Variants in UNC93A observed in about 807,000 individuals in gnomAD.
UNC93A encodes the protein N-acetylglucosamine transporter UNC93A.
A neutral mutation model predicts 47.5 loss-of-function variants in UNC93A; 43 were observed. The ratio of observed to expected loss-of-function variants is 0.91; its 90% CI spans 0.71 to 1.17. UNC93A has a LOEUF of 1.17. UNC93A is among the 50% of genes most tolerant of loss of function. UNC93A has a pLI of 0.00. For synonymous variants in UNC93A, 280 were observed against 258.0 expected (o/e 1.09, Z -0.82); for missense variants, 605 against 577.6 (o/e 1.05, Z -0.49).
intron 1 of UNC93A, among the ~76,000 whole-genome samples, chr6:167,278,484 T>C (rs371219460): frequency 5.0e-4 from 76 of 152,318 alleles, no homozygotes; most frequent in African/African-American, 1.7e-3. Flanking sequence ...ACCCACGGCC[T>C]GCCCTCACCT....
upstream of UNC93A, among the ~76,000 whole-genome samples, chr6:167,270,195 T>G (rs1783429044): frequency 1.3e-5 from 2 of 152,140 alleles, no homozygotes; most frequent in Admixed American, 6.5e-5. Context: ...CAAAGTCACC[T>G]AATCATTTTG....
chr6:167,288,449 TACACACACACACACACACAC>T (rs10586281), upstream of UNC93A, among the ~76,000 whole-genome samples: 1 of 134,734 alleles, frequency 7.4e-6, no homozygotes, highest in African/African-American at 2.5e-5. Context: ...TGTTCTTCCT[TACACACACACACACACACAC>T]ACACACACAC....
upstream of UNC93A, among the ~76,000 whole-genome samples, chr6:167,287,185 C>G (rs951215695): frequency 6.6e-6 from 1 of 152,072 alleles, no homozygotes; most frequent in Non-Finnish European, 1.5e-5. Context: ...AGCCCGGCTT[C>G]CTCCACTGCT....
chr6:167,295,195 G>A (rs1778020187), intron 2 of UNC93A, among the ~76,000 whole-genome samples: 1 of 152,016 alleles, frequency 6.6e-6, no homozygotes, highest in African/African-American at 2.4e-5. Flanking sequence ...GAGGGCTTTG[G>A]CCTGCACCCC....
chr6:167,274,857 A>C (rs1432084737), intron 1 of UNC93A, among the ~76,000 whole-genome samples: 1 of 141,406 alleles, frequency 7.1e-6, no homozygotes, highest in Admixed American at 7.0e-5. Context: ...GCAAGGTCCA[A>C]GCTCACAGTG....
intron 7 of UNC93A, 74 bp downstream of exon 7, chr6:167,307,984 A>T: frequency 6.3e-7 from 1 of 1,577,642 alleles, no homozygotes; most frequent in Non-Finnish European, 8.6e-7. Context: ...TGTGGGGCTC[A>T]TTAGATGCCA....
At chr6:167,308,678 C>T (rs1215273279) in intron 7 of UNC93A, among the ~76,000 whole-genome samples, 3 of 151,386 alleles carry the variant, frequency 2.0e-5, no homozygotes, top group Admixed American at 2.0e-4. Flanking sequence ...AGTGGCAAGT[C>T]GGGTCCCCAA....
chr6:167,311,021 A>T (rs1778541460), intron 7 of UNC93A, among the ~76,000 whole-genome samples: 1 of 152,220 alleles, frequency 6.6e-6, no homozygotes, highest in Admixed American at 6.5e-5. Flanking sequence ...GCAGCACAGC[A>T]CACACACAAG....
In UNC93A at chr6:167,307,840, T is replaced by C; in HGVS notation, c.1038T>C (p.His346=). 1 of 1,614,090 alleles carries C rather than the reference T, an allele frequency of 6.2e-7. No individual in the cohort carries two copies. Among genetic ancestry groups the C allele is most frequent in the Non-Finnish European group, 8.5e-7 (1 of 1,179,964 alleles). The change falls in exon 7 of 8, where the codon CAT becomes CAC. Residue 346 remains histidine, a synonymous_variant. Coordinates refer to ENST00000230256, the MANE Select transcript of UNC93A (RefSeq NM_018974.4). ...TGCTGTGGAGACCTCGTGCTGACCA[T>C]CTGGCAGTGTTCTTCGTATTCTCTG... The part of the protein sequence containing the change: ...ALLLWRPRAD[H]LAVFFVFSGL...
At chr6:167,275,132 T>C (rs1387249262) in intron 1 of UNC93A, among the ~76,000 whole-genome samples, 2 of 152,182 alleles carry the variant, frequency 1.3e-5, no homozygotes, top group African/African-American at 2.4e-5. Context: ...GGCAGTTGCA[T>C]GCAGGAGACT....
chr6:167,278,974 T>C (rs1032310984), intron 1 of UNC93A, among the ~76,000 whole-genome samples: 16 of 152,390 alleles, frequency 1.0e-4, no homozygotes, highest in African/African-American at 3.4e-4. Context: ...TTTAATTAAC[T>C]TTGACGAAAA....
At chr6:167,291,627 C>G (rs375615280) in intron 1 of UNC93A, 51 bp downstream of exon 1, 1 of 1,500,086 alleles carries the variant, frequency 6.7e-7, no homozygotes, top group Non-Finnish European at 9.1e-7. Context: ...CTCCAAGAAT[C>G]CCTGTGGTCA....
chr6:167,294,082 T>C (rs754159115), intron 1 of UNC93A, among the ~76,000 whole-genome samples: 1 of 152,210 alleles, frequency 6.6e-6, no homozygotes, highest in Non-Finnish European at 1.5e-5. Context: ...TGCACTCAGC[T>C]GCTTCATATC....
chr6:167,300,947 G>T (rs1373229774), intron 4 of UNC93A, among the ~76,000 whole-genome samples: 2 of 152,240 alleles, frequency 1.3e-5, no homozygotes, highest in African/African-American at 4.8e-5. Context: ...CTACATGTAA[G>T]TATCTTTCTG....
chr6:167,279,833 AAG>A (rs1215369575), intron 1 of UNC93A, among the ~76,000 whole-genome samples: 1 of 152,216 alleles, frequency 6.6e-6, no homozygotes, highest in African/African-American at 2.4e-5. Flanking sequence ...TGGAGAATAA[AAG>A]AAGTTGGCAT....
upstream of UNC93A, among the ~76,000 whole-genome samples, chr6:167,269,209 G>A (rs942382742): frequency 3.3e-5 from 5 of 152,224 alleles, no homozygotes; most frequent in African/African-American, 7.2e-5. Flanking sequence ...TTGCATGGGC[G>A]AGTGAGGCGC....
chr6:167,299,043 G>A (rs952741352), intron 4 of UNC93A, among the ~76,000 whole-genome samples: 106 of 150,710 alleles, frequency 7.0e-4, no homozygotes, highest in Middle Eastern at 3.5e-3. Context: ...ACTTGAACCC[G>A]GGAGGTGGAG....
At chr6:167,272,000 C>A (rs975827645) in intron 1 of UNC93A, among the ~76,000 whole-genome samples, 3 of 152,182 alleles carry the variant, frequency 2.0e-5, no homozygotes, top group Non-Finnish European at 2.9e-5. Context: ...CCTAGACTTG[C>A]CCCAGTGATT....
At position 167,285,154 on chromosome 6, in the gene UNC93A, C is replaced by T. The variant is rs570613822; in HGVS notation, c.-51-6285C>T. 3.3e-5 allele frequency among the ~76,000 whole-genome samples: 5 copies of T among 151,992 alleles called. 1 individual carries two copies. Among genetic ancestry groups the T allele is most frequent in the South Asian group, 4.2e-4 (2 of 4,784 alleles). ...ACACATAGGTGTGTGGTTACCTGCC[C>T]GAGAGAGGGTGGCTGACCATCTGGG... On this transcript the variant is annotated intron_variant, in intron 1 of 3. Coordinates refer to the UNC93A transcript ENST00000503433.
Sources: allele counts gnomAD v4.1 joint callset (sites outside exome capture counted in the v4.1 genomes callset), GRCh38; gene constraint gnomAD v4.1.1; transcripts MANE v1.5; gene names NCBI Gene and HGNC (gene_info 2026-07-23, HGNC 2026-07-21).